CAMK1D: variants seen among roughly 807,000 people sequenced by gnomAD.
The protein encoded by CAMK1D is calcium/calmodulin dependent protein kinase ID.
A neutral mutation model predicts 47.7 loss-of-function variants in CAMK1D; 9 were observed. The observed-to-expected ratio is 0.19, with a 90% CI of 0.11 to 0.33. The LOEUF (loss-of-function observed/expected upper bound fraction) is 0.33. Ranked by LOEUF, CAMK1D falls within the 10% of genes least tolerant of loss-of-function variation. CAMK1D has a pLI of 1.00. For missense variants in CAMK1D, 291 were observed against 488.7 expected (o/e 0.60, Z 3.81); for synonymous variants, 184 against 184.9 (o/e 0.99, Z 0.04).
At chr10:12,551,849 G>A (rs2815631) in intron 1 of CAMK1D, among the ~76,000 whole-genome samples, 125,993 of 152,212 alleles carry the variant, frequency 0.83, 52,327 homozygotes, top group East Asian at 0.9. Flanking sequence ...GGTCCCTGAT[G>A]CCAAAAAGGT....
chr10:12,693,266 G>A (rs1833004479), intron 3 of CAMK1D, among the ~76,000 whole-genome samples: 1 of 152,112 alleles, frequency 6.6e-6, no homozygotes, highest in Non-Finnish European at 1.5e-5. Flanking sequence ...TTGGGAGGCT[G>A]AGGCAGGAGA....
intron 2 of CAMK1D, among the ~76,000 whole-genome samples, chr10:12,591,842 T>TGC (rs1838004857): frequency 6.6e-6 from 1 of 152,268 alleles, no homozygotes; most frequent in East Asian, 1.9e-4. Flanking sequence ...TACAGGCACA[T>TGC]GCCACCACGC....
chr10:12,419,622 TAGATC>T (rs1839977593), intron 1 of CAMK1D, among the ~76,000 whole-genome samples: 1 of 141,192 alleles, frequency 7.1e-6, no homozygotes. Context: ...GATTCAGTCT[TAGATC>T]AGAAGAGAAA....
chr10:12,407,136 A>C (rs1839463150), intron 1 of CAMK1D, among the ~76,000 whole-genome samples: 1 of 152,106 alleles, frequency 6.6e-6, no homozygotes, highest in African/African-American at 2.4e-5. Flanking sequence ...CTTCCTGCAC[A>C]GCCACCCTCC....
At chr10:12,768,641 T>TC (rs1310644907) in intron 4 of CAMK1D, among the ~76,000 whole-genome samples, 1 of 148,382 alleles carries the variant, frequency 6.7e-6, no homozygotes. Flanking sequence ...TGACATCGTC[T>TC]CCCCCCGTGA....
intron 3 of CAMK1D, among the ~76,000 whole-genome samples, chr10:12,711,698 GGA>G (rs1332307095): frequency 1.3e-5 from 2 of 152,130 alleles, no homozygotes; most frequent in Non-Finnish European, 2.9e-5. Flanking sequence ...GCTCTGGCCC[GGA>G]GCCGGAGTCC....
chr10:12,413,567 AC>A (rs2131948935), intron 1 of CAMK1D, among the ~76,000 whole-genome samples: 1 of 149,204 alleles, frequency 6.7e-6, no homozygotes, highest in Non-Finnish European at 1.5e-5. Context: ...GATGATGATG[AC>A]ATTGGGGATG....
intron 1 of CAMK1D, among the ~76,000 whole-genome samples, chr10:12,419,151 A>C (rs1839958277): frequency 6.6e-6 from 1 of 152,156 alleles, no homozygotes; most frequent in African/African-American, 2.4e-5. Context: ...AACCCCAGGG[A>C]CGGGAGATTT....
chr10:12,434,767 G>T (rs2131997604), intron 1 of CAMK1D, among the ~76,000 whole-genome samples: 1 of 152,318 alleles, frequency 6.6e-6, no homozygotes, highest in African/African-American at 2.4e-5. Flanking sequence ...AATGCTGAGT[G>T]GTAGCCCGGT....
chr10:12,590,587 CT>C (rs1293319468), intron 2 of CAMK1D, among the ~76,000 whole-genome samples: 1 of 152,194 alleles, frequency 6.6e-6, no homozygotes, highest in Non-Finnish European at 1.5e-5. Context: ...TTCATAGTTA[CT>C]GTTCCATAAT....
intron 2 of CAMK1D, among the ~76,000 whole-genome samples, chr10:12,620,491 A>C (rs1020954948): frequency 2.6e-5 from 4 of 152,222 alleles, no homozygotes; most frequent in African/African-American, 9.6e-5. Context: ...TCTTATTGGA[A>C]TATTAATTTG....
intron 3 of CAMK1D, among the ~76,000 whole-genome samples, chr10:12,732,233 T>C (rs570970170): frequency 1.3e-5 from 2 of 152,160 alleles, no homozygotes; most frequent in East Asian, 1.9e-4. Context: ...AGAGAAAGAC[T>C]CTGTCTAAAA....
intron 2 of CAMK1D, among the ~76,000 whole-genome samples, chr10:12,632,750 A>G (rs1417588247): frequency 6.6e-6 from 1 of 152,150 alleles, no homozygotes; most frequent in Non-Finnish European, 1.5e-5. Flanking sequence ...GCTGGACTGC[A>G]GTGGCATGAT....
chr10:12,704,144 G>A (rs1564506284), intron 3 of CAMK1D, among the ~76,000 whole-genome samples: 1 of 152,120 alleles, frequency 6.6e-6, no homozygotes, highest in African/African-American at 2.4e-5. Flanking sequence ...CTGCAGGTGT[G>A]TCCATAGCTG....
At chr10:12,548,202 GT>G (rs1423371058) in intron 1 of CAMK1D, among the ~76,000 whole-genome samples, 1 of 152,180 alleles carries the variant, frequency 6.6e-6, no homozygotes, top group Non-Finnish European at 1.5e-5. Context: ...TGGGGTCGCT[GT>G]AAGGAGTGGA....
At chr10:12,801,669 C>T (rs892023209) in intron 6 of CAMK1D, among the ~76,000 whole-genome samples, 4 of 152,194 alleles carry the variant, frequency 2.6e-5, no homozygotes, top group Admixed American at 2.6e-4. Context: ...ATCTTCATAT[C>T]TATATCTATC....
intron 3 of CAMK1D, among the ~76,000 whole-genome samples, chr10:12,756,927 TAAAAC>T (rs1836257773): frequency 6.6e-6 from 1 of 152,114 alleles, no homozygotes; most frequent in Non-Finnish European, 1.5e-5. Flanking sequence ...CGTCTCAAAA[TAAAAC>T]AAAAGAACTG....
At chr10:12,640,294 GGGAGAA>G (rs1839630753) in intron 2 of CAMK1D, among the ~76,000 whole-genome samples, 1 of 144,784 alleles carries the variant, frequency 6.9e-6, no homozygotes, top group Non-Finnish European at 1.5e-5. Flanking sequence ...AGAAGGAGTG[GGGAGAA>G]GGAGAAGGAG....
chr10:12,670,456 T>C (rs908457549), intron 3 of CAMK1D, among the ~76,000 whole-genome samples: 6 of 152,192 alleles, frequency 3.9e-5, no homozygotes, highest in Non-Finnish European at 7.3e-5. Context: ...TTCCATTTTG[T>C]AGCTTGTGTT....
Sources: allele counts gnomAD v4.1 joint callset (sites outside exome capture counted in the v4.1 genomes callset), GRCh38; gene constraint gnomAD v4.1.1; transcripts MANE v1.5; gene names NCBI Gene and HGNC (gene_info 2026-07-23, HGNC 2026-07-21).